GPHN: variants seen among roughly 807,000 people sequenced by gnomAD.
GPHN encodes the protein gephyrin.
In GPHN, 17 loss-of-function variants were observed where a neutral mutation model predicts 95.5. That is an observed-to-expected ratio of 0.18 (90% confidence interval 0.12 to 0.27). GPHN has a LOEUF of 0.27. GPHN is among the 10% of genes least tolerant of loss of function. The pLI is 1.00. For synonymous variants in GPHN, 320 were observed against 322.5 expected, an observed-to-expected ratio of 0.99 and a Z score of 0.08; for missense variants, 660 against 978.1, an observed-to-expected ratio of 0.67 and a Z score of 4.34.
At chr14:66,593,827 T>C (rs934568451) in intron 1 of GPHN, among the ~76,000 whole-genome samples, 2 of 152,126 alleles carry the variant, frequency 1.3e-5, no homozygotes. Context: ...ACCAGAACAG[T>C]TAGGCAAGTC....
At chr14:66,885,651 A>G (rs2064149759) in intron 5 of GPHN, among the ~76,000 whole-genome samples, 1 of 152,114 alleles carries the variant, frequency 6.6e-6, no homozygotes, top group Non-Finnish European at 1.5e-5. Context: ...ATTTTCCCCT[A>G]CATTTTTCTT....
the GPHN span, among the ~76,000 whole-genome samples, chr14:67,469,682 G>A: frequency 6.6e-6 from 1 of 151,934 alleles, no homozygotes; most frequent in Admixed American, 6.6e-5. Context: ...GGGAGGACAG[G>A]GAAGCTCAAT....
the GPHN span, chr14:67,350,817 A>G: frequency 1.2e-6 from 1 of 859,404 alleles, no homozygotes; most frequent in Middle Eastern, 2.3e-4. Flanking sequence ...TTGGTTTGAT[A>G]ACGACAAACA....
the GPHN span, among the ~76,000 whole-genome samples, chr14:67,729,015 T>C: frequency 6.6e-6 from 1 of 152,228 alleles, no homozygotes; most frequent in Admixed American, 6.5e-5. Context: ...TAGATCTTTC[T>C]GAAAGATCAA....
At chr14:66,710,787 A>C (rs1467676053) in intron 2 of GPHN, among the ~76,000 whole-genome samples, 1 of 152,186 alleles carries the variant, frequency 6.6e-6, no homozygotes, top group Non-Finnish European at 1.5e-5. Flanking sequence ...CACTTTCTAC[A>C]TCTGTAAACT....
At chr14:67,072,456 T>A (rs888035926) in intron 11 of GPHN, among the ~76,000 whole-genome samples, 1 of 152,036 alleles carries the variant, frequency 6.6e-6, no homozygotes, top group African/African-American at 2.4e-5. Context: ...GAATTACCTT[T>A]TTGACTGTTT....
chr14:66,677,711 T>C (rs2066688204), intron 1 of GPHN, among the ~76,000 whole-genome samples: 1 of 152,124 alleles, frequency 6.6e-6, no homozygotes, highest in African/African-American at 2.4e-5. Context: ...GTGGTCTGTC[T>C]TGTAGAATGT....
intron 10 of GPHN, among the ~76,000 whole-genome samples, chr14:67,050,843 T>TCCCA (rs2075274107): frequency 6.9e-6 from 1 of 144,398 alleles, no homozygotes; most frequent in African/African-American, 2.6e-5. Flanking sequence ...AAAAGCAGAG[T>TCCCA]GGAGTGACAG....
intron 1 of GPHN, among the ~76,000 whole-genome samples, chr14:66,540,069 A>G (rs1398428332): frequency 6.6e-6 from 1 of 152,188 alleles, no homozygotes; most frequent in Non-Finnish European, 1.5e-5. Flanking sequence ...ATAACAAATG[A>G]CCTCTATTTC....
chr14:67,267,332 C>T, the GPHN span, among the ~76,000 whole-genome samples: 4 of 152,006 alleles, frequency 2.6e-5, no homozygotes, highest in African/African-American at 9.7e-5. Flanking sequence ...AATCTTGGCT[C>T]ACTGCAACCT....
chr14:66,810,333 TAA>T (rs2060707872), intron 3 of GPHN, among the ~76,000 whole-genome samples: 1 of 148,900 alleles, frequency 6.7e-6, no homozygotes, highest in Non-Finnish European at 1.5e-5. Flanking sequence ...TAAATATTAG[TAA>T]ACTAAATAAT....
rs151036836 is a variant in GPHN, at chr14:66,761,396, T to C, written c.144-15068T>C. 5.3e-5 allele frequency among the ~76,000 whole-genome samples: 8 copies of C among 152,334 alleles called. No individual in the cohort carries two copies. The East Asian group carries it at 5.8e-4, about 11-fold the overall frequency. On this transcript the variant is annotated intron_variant, in intron 2 of 22. Coordinates refer to ENST00000478722, the MANE Select transcript of GPHN (RefSeq NM_020806.5). ...TAAAATATTCCCTTTATTAATATTA[T>C]AGAAGGGGGGATACAACAAGAAACT...
the GPHN span, among the ~76,000 whole-genome samples, chr14:67,428,309 C>T: frequency 6.6e-6 from 1 of 152,178 alleles, no homozygotes; most frequent in East Asian, 1.9e-4. Context: ...GCAGAGGACC[C>T]ACCCACACCC....
chr14:67,578,044 G>A, the GPHN span: 22 of 1,613,752 alleles, frequency 1.4e-5, no homozygotes, highest in Middle Eastern at 1.7e-4. The surrounding 1 kb of genome is among the most constrained non-coding windows in gnomAD (Gnocchi z 5.0). Flanking sequence ...CTTCATCAAC[G>A]TGCCGGTGGA....
At chr14:67,207,448 G>C in the GPHN span, among the ~76,000 whole-genome samples, 1 of 151,202 alleles carries the variant, frequency 6.6e-6, no homozygotes, top group African/African-American at 2.4e-5. Flanking sequence ...CATTCATGAG[G>C]GATCTGCCCC....
At chr14:66,608,798 A>C (rs1299499162) in intron 1 of GPHN, among the ~76,000 whole-genome samples, 1 of 152,072 alleles carries the variant, frequency 6.6e-6, no homozygotes, top group Non-Finnish European at 1.5e-5. Flanking sequence ...CTGATATTAG[A>C]ATTGCAACTC....
intron 18 of GPHN, among the ~76,000 whole-genome samples, chr14:67,156,061 A>G (rs983323031): frequency 1.3e-5 from 2 of 152,196 alleles, no homozygotes; most frequent in Non-Finnish European, 2.9e-5. Flanking sequence ...AGCCAAACAA[A>G]AACTGTGCGG....
chr14:67,477,997 A>T, the GPHN span, among the ~76,000 whole-genome samples: 1 of 152,242 alleles, frequency 6.6e-6, no homozygotes, highest in East Asian at 1.9e-4. Flanking sequence ...AAAGCCCAGC[A>T]CATAGTAAGC....
the GPHN span, chr14:67,648,722 G>A: frequency 2.6e-5 from 4 of 152,350 alleles, no homozygotes; most frequent in African/African-American, 9.6e-5. Flanking sequence ...GTACTAAGAT[G>A]AATTCTACGT....
Sources: allele counts gnomAD v4.1 joint callset (sites outside exome capture counted in the v4.1 genomes callset), GRCh38; gene constraint gnomAD v4.1.1; non-coding constraint Gnocchi (gnomAD v3.1); transcripts MANE v1.5; gene names NCBI Gene and HGNC (gene_info 2026-07-23, HGNC 2026-07-21).